The following COL25A1 variants were observed in gnomAD, a reference collection of about 807,000 sequenced individuals.
The protein encoded by COL25A1 is collagen type XXV alpha 1 chain, also known as collagen alpha-1(XXV) chain.
COL25A1 carries 103 observed loss-of-function variants against 128.4 expected under a neutral mutation model. The ratio of observed to expected loss-of-function variants is 0.80; its 90% CI spans 0.68 to 0.94. The LOEUF (loss-of-function observed/expected upper bound fraction) is 0.94, where lower values mean the gene tolerates loss of function less well. COL25A1 is among the 40% of genes least tolerant of loss of function. The pLI is 0.00. For missense variants in COL25A1, 745 were observed against 840.0 expected (o/e 0.89, Z 1.40); for synonymous variants, 279 against 277.2 (o/e 1.01, Z -0.06).
chr4:109,089,303 C>G (rs1469798280), intron 3 of COL25A1, among the ~76,000 whole-genome samples: 7 of 152,160 alleles, frequency 4.6e-5, no homozygotes, highest in Non-Finnish European at 1.5e-5. Context: ...TTGGGCAGGT[C>G]AGTTCAATCT....
At chr4:109,154,038 C>T (rs971911717) in intron 3 of COL25A1, among the ~76,000 whole-genome samples, 5 of 152,102 alleles carry the variant, frequency 3.3e-5, no homozygotes, top group Admixed American at 6.5e-5. Flanking sequence ...AAAGTAGTAG[C>T]AACAAAATTA....
At chr4:109,126,173 G>C (rs778663463) in intron 3 of COL25A1, among the ~76,000 whole-genome samples, 10 of 151,878 alleles carry the variant, frequency 6.6e-5, no homozygotes, top group Non-Finnish European at 1.0e-4. Context: ...TAATCCTCAC[G>C]GTAAAAAAGA....
At chr4:108,983,922 G>A (rs1167553696) in intron 6 of COL25A1, among the ~76,000 whole-genome samples, 3 of 152,246 alleles carry the variant, frequency 2.0e-5, no homozygotes, top group Admixed American at 1.3e-4. Flanking sequence ...CAGTGTGGAA[G>A]GGGACCCAAG....
intron 3 of COL25A1, among the ~76,000 whole-genome samples, chr4:109,117,885 C>T (rs1015860116): frequency 6.6e-6 from 1 of 151,482 alleles, no homozygotes; most frequent in Non-Finnish European, 1.5e-5. Context: ...TCTGGAGCAA[C>T]TACTTAAAAC....
At chr4:108,943,791 C>T (rs115410192) in intron 8 of COL25A1, among the ~76,000 whole-genome samples, 2,263 of 148,346 alleles carry the variant, frequency 0.015, 54 homozygotes, top group African/African-American at 0.052. Flanking sequence ...TTTCTAACAA[C>T]ATGTGAAACT....
rs192553199 is a variant in COL25A1, at chr4:108,819,446, A to G, written c.1846-117T>C. 3.9e-5 allele frequency: 30 copies of G among 760,340 alleles called. No homozygotes were observed. In the African/African-American group the frequency reaches 4.5e-4, roughly 12 times the overall value. The allele number at this position is 760,340 out of a possible 1,614,324, so 47.1% of individuals were successfully genotyped here. A position where few individuals can be genotyped will look rare whatever the true frequency, so the allele number is the denominator to read the frequency against. On this transcript the variant is annotated intron_variant, in intron 35 of 37. Coordinates refer to ENST00000399132, the MANE Select transcript of COL25A1 (RefSeq NM_198721.4). ...GGGAGAGGAGCAACTCTGAAGGGAA[A>G]AGTAACATCCAGTGAAGTTGGGCAA...
intron 3 of COL25A1, among the ~76,000 whole-genome samples, chr4:109,162,630 T>C (rs772782485): frequency 1.1e-4 from 16 of 152,168 alleles, no homozygotes; most frequent in Non-Finnish European, 1.8e-4. Context: ...CACTTTAAAA[T>C]GAGGTGGATA....
chr4:108,883,954 G>C (rs945102642), intron 19 of COL25A1, among the ~76,000 whole-genome samples: 1 of 152,188 alleles, frequency 6.6e-6, no homozygotes, highest in Non-Finnish European at 1.5e-5. Context: ...TTAAGGGGCA[G>C]TAGTAAGTTA....
chr4:108,954,092 C>A (rs369496470), intron 8 of COL25A1, among the ~76,000 whole-genome samples: 1 of 152,052 alleles, frequency 6.6e-6, no homozygotes, highest in African/African-American at 2.4e-5. Context: ...TCGAAAAGGA[C>A]GTAGCTACTT....
At chr4:109,229,856 A>C (rs1171418280) in intron 3 of COL25A1, among the ~76,000 whole-genome samples, 1 of 152,176 alleles carries the variant, frequency 6.6e-6, no homozygotes, top group Non-Finnish European at 1.5e-5. Context: ...CAGATAGGGC[A>C]ACTTATAAAA....
At position 108,963,516 on chromosome 4, in the gene COL25A1, C is replaced by T. The variant is rs568611717; in HGVS notation, c.492+10851G>A. On this transcript the variant is annotated intron_variant, in intron 8 of 37. Coordinates refer to ENST00000399132, the MANE Select transcript of COL25A1 (RefSeq NM_198721.4). ...ATATTGAAAGTCATCAACCCCAAAT[C>T]GACCTTCACATTTTAGCATATGCTT... Among the ~76,000 whole-genome samples the T allele has an allele frequency of 1.1e-4, 17 of 152,182 alleles. No individual in the cohort carries two copies. The South Asian group carries it at 3.3e-3, about 30-fold the overall frequency.
chr4:109,228,031 A>C (rs1444728828), intron 3 of COL25A1, among the ~76,000 whole-genome samples: 1 of 152,164 alleles, frequency 6.6e-6, no homozygotes, highest in Non-Finnish European at 1.5e-5. Flanking sequence ...AAAGGGCAGC[A>C]GGCCTGGAGT....
chr4:108,931,104 T>C lies in COL25A1; in HGVS notation c.708+6704A>G, dbSNP rs542207909. Among the ~76,000 whole-genome samples, 18 of 152,366 alleles carry C rather than the reference T, an allele frequency of 1.2e-4. No homozygotes were observed. In the East Asian group the frequency reaches 2.9e-3, roughly 24 times the overall value. On this transcript the variant is annotated intron_variant, in intron 11 of 37. Transcript: ENST00000399132. ...AAGTGACAACTAGATAAGTTGATTATGGTTTTGGAGAAGGAGACAATTTTT... is the reference window on the plus strand; with the variant it reads ...AAGTGACAACTAGATAAGTTGATTACGGTTTTGGAGAAGGAGACAATTTTT...
chr4:108,957,344 G>A lies in COL25A1; in HGVS notation c.493-15907C>T, dbSNP rs539238192. On this transcript the variant is annotated intron_variant, in intron 8 of 37. Transcript: ENST00000399132. ...AAAACTGAAGGGAGAGCACAGAGCA[G>A]AACCACCACCACCACCACATGGTGT... Among the ~76,000 whole-genome samples, 19 of 152,164 alleles carry A rather than the reference G, an allele frequency of 1.2e-4. No individual in the cohort carries two copies. In the East Asian group the frequency reaches 3.7e-3, roughly 29 times the overall value.
intron 27 of COL25A1, among the ~76,000 whole-genome samples, chr4:108,847,026 C>T (rs1347506226): frequency 1.3e-5 from 2 of 151,798 alleles, no homozygotes; most frequent in African/African-American, 4.8e-5. Context: ...CTGCTTCAGC[C>T]TCCCAAGTAG....
In COL25A1 at chr4:108,852,275, G is replaced by A; in HGVS notation, c.1350C>T (p.Pro450=). ...GTCCTTGAGGTCCAGGAGGTCCAGG[G>A]GGACCCTAAATCAAGAAAAAGCACA... ...QRITTLTVTG[P]PGPPGPQGLQ... Residue 450 remains proline, a synonymous_variant, in exon 26 of 38, where the codon CCC becomes CCT. Coordinates refer to ENST00000399132, the MANE Select transcript of COL25A1 (RefSeq NM_198721.4). 1 of 1,589,944 alleles carries A rather than the reference G, an allele frequency of 6.3e-7. No individual in the cohort carries two copies.
rs1005925996 is a variant in COL25A1 at position 108,811,816 on chromosome 4, A to G, written c.*2111T>C. 6.6e-6 allele frequency: 1 copy of G among 152,216 alleles called. No individual in the cohort carries two copies. Among genetic ancestry groups the G allele is most frequent in the African/African-American group, 2.4e-5 (1 of 41,470 alleles). 9.4% of individuals were successfully genotyped at this position (152,216 alleles called of 1,614,324 possible). ...TGATCTAATAGTTTAAACATCTTTC[A>G]ACCTTAAAAATTTAATAGAAAAAAA... On this transcript the variant is annotated 3_prime_UTR_variant, in exon 38 of 38. Coordinates refer to ENST00000399132, the MANE Select transcript of COL25A1 (RefSeq NM_198721.4).
chr4:109,056,895 C>T lies in COL25A1; in HGVS notation c.368-6716G>A, dbSNP rs150743522. On this transcript the variant is annotated intron_variant, in intron 3 of 37. Transcript: ENST00000399132. ...AGGCTGATGACAGTGTAAGTGGTGTCGAACATCGCTATTTAGAGTGCAGTG... is the reference window on the plus strand; with the variant it reads ...AGGCTGATGACAGTGTAAGTGGTGTTGAACATCGCTATTTAGAGTGCAGTG... 1.9e-3 allele frequency among the ~76,000 whole-genome samples: 289 copies of T among 152,244 alleles called. 2 individuals carry two copies. The highest frequency in any genetic ancestry group is 6.8e-3 in the African/African-American group (281 of 41,540).
chr4:108,926,591 C>T (rs1746089539), intron 11 of COL25A1, among the ~76,000 whole-genome samples: 1 of 152,070 alleles, frequency 6.6e-6, no homozygotes, highest in Non-Finnish European at 1.5e-5. Flanking sequence ...CAGACTTTCT[C>T]AAGGGTTTGG....
Sources: allele counts gnomAD v4.1 joint callset (sites outside exome capture counted in the v4.1 genomes callset), GRCh38; gene constraint gnomAD v4.1.1; transcripts MANE v1.5; gene names NCBI Gene and HGNC (gene_info 2026-07-23, HGNC 2026-07-21).